RNF207: variants seen among roughly 807,000 people sequenced by gnomAD.
The protein encoded by RNF207 is OTTHUMG00000001089.
In RNF207, 72 loss-of-function variants were observed where a neutral mutation model predicts 79.0. That is an observed-to-expected ratio of 0.91 (90% CI 0.75 to 1.11). The LOEUF (loss-of-function observed/expected upper bound fraction) is 1.11. Ranked by LOEUF, RNF207 falls within the 50% of genes least tolerant of loss-of-function variation. The probability of loss-of-function intolerance (pLI) is 0.00; values close to 1 mark genes in which losing one functional copy is unlikely to be tolerated. For synonymous variants in RNF207, 348 were observed against 366.2 expected (o/e 0.95, Z 0.57); for missense variants, 936 against 855.8 (o/e 1.09, Z -1.17).
At position 6,220,740 on chromosome 1, in the gene RNF207, T is replaced by C. The variant is rs111662169; in HGVS notation, c.*1333T>C. ...TCTAGTAGTTTTTTCCCAGCAGTTT[T>C]CCATTTCTCCACAGTATCCTTTTCA... On this transcript the variant is annotated 3_prime_UTR_variant, in exon 18 of 18. Coordinates refer to ENST00000377939, the MANE Select transcript of RNF207 (RefSeq NM_207396.3). The C allele has an allele frequency of 6.6e-5, 10 of 152,228 alleles. No individual in the cohort carries two copies. Among genetic ancestry groups the C allele is most frequent in the African/African-American group, 2.4e-4 (10 of 41,464 alleles). 9.4% of individuals were successfully genotyped at this position (152,228 alleles called of 1,614,324 possible).
rs889175082 is a variant in RNF207, at chr1:6,211,234, C to T, written c.1109+116C>T. 5.3e-5 allele frequency: 37 copies of T among 702,540 alleles called. No individual in the cohort carries two copies. Among genetic ancestry groups the T allele is most frequent in the Non-Finnish European group, 6.4e-5 (27 of 421,012 alleles). 43.5% of individuals were successfully genotyped at this position (702,540 alleles called of 1,614,324 possible). A position where few individuals can be genotyped will look rare whatever the true frequency, so the allele number is the denominator to read the frequency against. On this transcript the variant is annotated intron_variant, in intron 12 of 17. Coordinates refer to ENST00000377939, the MANE Select transcript of RNF207 (RefSeq NM_207396.3). This position sits in a 1 kb window ranked among gnomAD's most constrained non-coding sequence, Gnocchi z 4.2. ...AGCCAGGTGCCACCATTCCTTCCTC[C>T]GTCCTTAGCTCGCCACCCTCCCAGC...
intron 16 of RNF207, among the ~76,000 whole-genome samples, chr1:6,213,810 A>G (rs954336694): frequency 6.6e-6 from 1 of 152,184 alleles, no homozygotes; most frequent in Non-Finnish European, 1.5e-5. Context: ...AGTCCTGACC[A>G]GGCTGTCTCA....
rs1296571504 is a variant in RNF207 at position 6,212,029 on chromosome 1, C to T, written c.1272C>T (p.Cys424=). 5 of 1,600,898 alleles carry T rather than the reference C, an allele frequency of 3.1e-6. No homozygotes were observed. The East Asian group carries it at 1.1e-4, about 36-fold the overall frequency. ...AGAACACGCCCTTCGCAGAGCACTGCCGCCACTATGAGGACTCCTACCGGG... is the reference window on the plus strand; with the variant it reads ...AGAACACGCCCTTCGCAGAGCACTGTCGCCACTATGAGGACTCCTACCGGG... The part of the protein sequence containing the change: ...EGENTPFAEH[C]RHYEDSYRHL... Residue 424 remains cysteine, a synonymous_variant, in exon 13 of 18, where the codon TGC becomes TGT. Transcript: ENST00000377939.
At position 6,210,452 on chromosome 1, in the gene RNF207, G is replaced by A. The variant is rs1668115942; in HGVS notation, c.942+14G>A. The A allele has an allele frequency of 1.9e-6, 3 of 1,607,990 alleles. No homozygotes were observed. The highest frequency in any genetic ancestry group is 1.3e-5 in the African/African-American group (1 of 74,806). On this transcript the variant is annotated intron_variant, in intron 10 of 17. Transcript: ENST00000377939. ...GACCTGGGCTATGTGAGTCTCCTCT[G>A]CTCCTGCAGATGCCCCCTCCCCACC...
In RNF207 at chr1:6,209,005, G is replaced by C. The variant is rs1229073118; in HGVS notation, c.449G>C (p.Arg150Pro). 1 of 1,539,704 alleles carries C rather than the reference G, an allele frequency of 6.5e-7. No homozygotes were observed. ...ATCGTGGCCCTGGGTCAGCGAAGCC[G>C]CGACGTGCCCCAGAAGTGCAGTGAG... ...HDIVALGQRS[R>P]DVPQKCTLHA... Residue 150 changes from arginine to proline, a missense_variant, in exon 4 of 18, where the codon CGC (arginine) becomes CCC (proline). Arg to Pro is a moderately radical substitution (Grantham distance 103, BLOSUM62 -2). Transcript: ENST00000377939.
intron 3 of RNF207, chr1:6,208,630 A>T: frequency 1.9e-6 from 1 of 515,992 alleles, no homozygotes; most frequent in Non-Finnish European, 3.4e-6. Context: ...TTATAAAGGC[A>T]GTTTCTGCCC....
rs1217378602 is a variant in RNF207 at position 6,207,778 on chromosome 1, G to C, written c.324+267G>C. The stretch of plus-strand genomic sequence containing the variant: ...GGAGAGCTCACTGGTCCCCAATTCA[G>C]GGTGGAGTTGTGGACCTGCACAGGA... On this transcript the variant is annotated intron_variant, in intron 3 of 17. Transcript: ENST00000377939. This position sits in a 1 kb window ranked among gnomAD's most constrained non-coding sequence, Gnocchi z 4.5. 2 of 648,702 alleles carry C rather than the reference G, an allele frequency of 3.1e-6. No individual in the cohort carries two copies. The highest frequency in any genetic ancestry group is 3.6e-5 in the African/African-American group (2 of 56,112). 40.2% of individuals were successfully genotyped at this position (648,702 alleles called of 1,614,324 possible).
Position 6,218,367 on chromosome 1 carries a change from C to T in RNF207, c.1731C>T (p.Ala577=). The change falls in exon 17 of 18, where the codon GCC becomes GCT. Residue 577 remains alanine (A), a splice_region_variant and synonymous_variant. Transcript: ENST00000377939. ...ACAGCAGGAACAACGCGGCCTCAGC[C>T]AGGTAAAGCAAGTCTCTCCACTGGA... ...HDDSRNNAAS[A]RNNPGSVPEK... 6.2e-7 allele frequency: 1 copy of T among 1,611,026 alleles called. No individual in the cohort carries two copies. Among genetic ancestry groups the T allele is most frequent in the Non-Finnish European group, 8.5e-7 (1 of 1,177,276 alleles).
At chr1:6,209,779 G>GC in intron 7 of RNF207, 145 bp from the exon 8 acceptor site, 1 of 989,640 alleles carries the variant, frequency 1.0e-6, no homozygotes, top group Admixed American at 2.6e-5. Flanking sequence ...CGGGACCCAA[G>GC]CCCTCACCAG....
At chr1:6,213,328 C>G (rs1225150843) in intron 16 of RNF207, 145 bp downstream of exon 16, 4 of 551,918 alleles carry the variant, frequency 7.2e-6, no homozygotes, top group Non-Finnish European at 1.3e-5. Context: ...CGAGACCAGC[C>G]TGGCCAACAT....
In RNF207 at chr1:6,211,351, G is replaced by A. The variant is rs75857523; in HGVS notation, c.1109+233G>A. The stretch of plus-strand genomic sequence containing the variant: ...CTGAAGTCCATGGCAGACCGGGCTC[G>A]GAGCTTGGCTAAAGGAGGAGGGGAG... On this transcript the variant is annotated intron_variant, in intron 12 of 17. Transcript: ENST00000377939. The surrounding 1 kb of genome is among the most constrained non-coding windows in gnomAD (Gnocchi z 4.2). Among the ~76,000 whole-genome samples the A allele has an allele frequency of 0.015, 2,334 of 152,268 alleles. 58 individuals carry two copies. The highest frequency in any genetic ancestry group is 0.052 in the African/African-American group (2,169 of 41,538).
rs139422870 is a variant in RNF207, at chr1:6,220,122, T to C, written c.*715T>C. 1 of 152,310 alleles carries C rather than the reference T, an allele frequency of 6.6e-6. No homozygotes were observed. Among genetic ancestry groups the C allele is most frequent in the Non-Finnish European group, 1.5e-5 (1 of 68,030 alleles). The allele number at this position is 152,310 out of a possible 1,614,324, so 9.4% of individuals were successfully genotyped here. Reference sequence around the variant, plus strand: ...CGGTTATTTCTTTAAAAGGTAATCATTTGTCAAGAGTAAAACCCAGAAGCT... The same window carrying C: ...CGGTTATTTCTTTAAAAGGTAATCACTTGTCAAGAGTAAAACCCAGAAGCT... On this transcript the variant is annotated 3_prime_UTR_variant, in exon 18 of 18. Transcript: ENST00000377939.
intron 14 of RNF207, 90 bp downstream of exon 14, chr1:6,212,506 C>G: frequency 7.4e-7 from 1 of 1,359,692 alleles, no homozygotes; most frequent in East Asian, 2.3e-5. Context: ...GAGGACCTGG[C>G]CTGTACCCCA....
chr1:6,208,630 A>C, intron 3 of RNF207: 1 of 515,992 alleles, frequency 1.9e-6, no homozygotes, highest in Non-Finnish European at 3.4e-6. Context: ...TTATAAAGGC[A>C]GTTTCTGCCC....
intron 2 of RNF207, 64 bp downstream of exon 2, chr1:6,206,790 G>A (rs1273372107): frequency 2.8e-6 from 4 of 1,421,278 alleles, no homozygotes; most frequent in Admixed American, 1.9e-5. Flanking sequence ...GGTTGGCTCT[G>A]CCCGAGCTGG....
chr1:6,209,615 A>G, intron 7 of RNF207, 76 bp downstream of exon 7: 2 of 1,391,716 alleles, frequency 1.4e-6, no homozygotes, highest in African/African-American at 1.5e-5. Flanking sequence ...GCCCTTGTGG[A>G]TTTCCAGTGT....
chr1:6,207,377 A>C lies in RNF207; in HGVS notation c.192-2A>C. The stretch of plus-strand genomic sequence containing the variant: ...AATCTCGGGGCCTGGGCTTCTCTGC[A>C]GACACCAGACGGTGCTGAAGGGTCC... On this transcript the variant is annotated splice_acceptor_variant, in intron 2 of 17. Transcript: ENST00000377939. LOFTEE classifies it high-confidence loss of function. This position sits in a 1 kb window ranked among gnomAD's most constrained non-coding sequence, Gnocchi z 4.5. 1 of 1,509,190 alleles carries C rather than the reference A, an allele frequency of 6.6e-7. No homozygotes were observed. Among genetic ancestry groups the C allele is most frequent in the Non-Finnish European group, 8.9e-7 (1 of 1,129,178 alleles). The allele number at this position is 1,509,190 out of a possible 1,614,324, so 93.5% of individuals were successfully genotyped here.
chr1:6,221,294 AAAG>A (rs1298161826), exon 18 of RNF207: 3 of 152,670 alleles, frequency 2.0e-5, no homozygotes, highest in Admixed American at 6.5e-5. Flanking sequence ...ATTTATGTAA[AAAG>A]AAGAGTAGAA....
At chr1:6,209,648 C>A in intron 7 of RNF207, 109 bp downstream of exon 7, 3 of 1,294,424 alleles carry the variant, frequency 2.3e-6, no homozygotes, top group Non-Finnish European at 3.0e-6. Context: ...GGCCTTGCAC[C>A]AAGCACTTTC....
Sources: allele counts gnomAD v4.1 joint callset (sites outside exome capture counted in the v4.1 genomes callset), GRCh38; gene constraint gnomAD v4.1.1; non-coding constraint Gnocchi (gnomAD v3.1); transcripts MANE v1.5; gene names NCBI Gene and HGNC (gene_info 2026-07-23, HGNC 2026-07-21).